MTUS1: variants seen among roughly 807,000 people sequenced by gnomAD.
MTUS1 encodes the protein microtubule associated scaffold protein 1, also known as microtubule-associated tumor suppressor 1.
In MTUS1, 109 loss-of-function variants were observed where a neutral mutation model predicts 120.8. That is an observed-to-expected ratio of 0.90 (90% CI 0.77 to 1.06). MTUS1 has a LOEUF of 1.06. Ranked by LOEUF, MTUS1 falls within the 50% of genes least tolerant of loss-of-function variation. The pLI, the probability that MTUS1 is intolerant of heterozygous loss-of-function variation, is 0.00. For synonymous variants in MTUS1, 737 were observed against 550.5 expected, an observed-to-expected ratio of 1.34 and a Z score of -4.74; for missense variants, 2,210 against 1,486.3, an observed-to-expected ratio of 1.49 and a Z score of -8.01.
chr8:17,761,962 G>A (rs998335755), intron 1 of MTUS1, among the ~76,000 whole-genome samples: 21 of 152,176 alleles, frequency 1.4e-4, no homozygotes, highest in African/African-American at 4.6e-4. Context: ...CAACATCTAA[G>A]CTATCATTTT....
intron 6 of MTUS1, among the ~76,000 whole-genome samples, chr8:17,702,795 C>G (rs951105928): frequency 1.3e-5 from 2 of 152,202 alleles, no homozygotes; most frequent in Non-Finnish European, 2.9e-5. Context: ...TTCCCACATC[C>G]TGGCTATCAT....
chr8:17,756,083 A>G (rs539254603), intron 1 of MTUS1, 122 bp from the exon 2 acceptor site: 120 of 409,070 alleles, frequency 2.9e-4, no homozygotes, highest in Non-Finnish European at 4.5e-4. Context: ...CCCCACAACT[A>G]CTGATGTGGG....
At chr8:17,773,226 T>C (rs562797918) in intron 1 of MTUS1, among the ~76,000 whole-genome samples, 132 of 152,306 alleles carry the variant, frequency 8.7e-4, no homozygotes, top group Non-Finnish European at 1.6e-3. Context: ...TGCAAATCAA[T>C]GTCTCTGAAC....
At chr8:17,696,839 T>C (rs1345078271) in intron 6 of MTUS1, among the ~76,000 whole-genome samples, 2 of 152,230 alleles carry the variant, frequency 1.3e-5, no homozygotes, top group African/African-American at 4.8e-5. Context: ...CTGTCAAATC[T>C]GACTGAGAAA....
At chr8:17,726,091 C>T (rs891100070) in intron 3 of MTUS1, among the ~76,000 whole-genome samples, 5 of 152,264 alleles carry the variant, frequency 3.3e-5, no homozygotes, top group South Asian at 2.1e-4. Context: ...TCCGACTGAA[C>T]GGCCTCCTTT....
chr8:17,657,127 ATTTGTTATT>A (rs1165681756), intron 8 of MTUS1, among the ~76,000 whole-genome samples: 2 of 151,688 alleles, frequency 1.3e-5, no homozygotes, highest in Non-Finnish European at 2.9e-5. Flanking sequence ...GTTGATTATA[ATTTGTTATT>A]TCAAAACTAA....
At chr8:17,737,764 G>A (rs535628619) in intron 3 of MTUS1, among the ~76,000 whole-genome samples, 2 of 152,294 alleles carry the variant, frequency 1.3e-5, no homozygotes, top group Non-Finnish European at 2.9e-5. Flanking sequence ...TGGGATCACA[G>A]ATGTGAGCCA....
chr8:17,789,971 C>G (rs760624868), intron 1 of MTUS1, among the ~76,000 whole-genome samples: 2 of 152,152 alleles, frequency 1.3e-5, no homozygotes. Context: ...CAGTTTCCAT[C>G]TGGGATTACC....
At chr8:17,769,026 T>C (rs1025438225) in intron 1 of MTUS1, among the ~76,000 whole-genome samples, 11 of 152,082 alleles carry the variant, frequency 7.2e-5, no homozygotes, top group East Asian at 1.9e-4. Flanking sequence ...TTGTCTTAGA[T>C]AACTCACACT....
At chr8:17,724,685 T>C (rs933419117) in intron 3 of MTUS1, among the ~76,000 whole-genome samples, 4 of 152,220 alleles carry the variant, frequency 2.6e-5, no homozygotes, top group African/African-American at 4.8e-5. Flanking sequence ...ACCTGCTACC[T>C]AAATATGGGC....
chr8:17,686,509 G>C (rs1174736116), intron 6 of MTUS1, among the ~76,000 whole-genome samples: 4 of 152,072 alleles, frequency 2.6e-5, no homozygotes, highest in African/African-American at 4.8e-5. Context: ...GATATCATTT[G>C]TATATGTCCT....
At chr8:17,759,289 G>A (rs1446153512) in intron 1 of MTUS1, among the ~76,000 whole-genome samples, 1 of 149,190 alleles carries the variant, frequency 6.7e-6, no homozygotes, top group African/African-American at 2.5e-5. Context: ...TTTGAGACAA[G>A]GTCTCACTTT....
intron 8 of MTUS1, among the ~76,000 whole-genome samples, chr8:17,661,547 A>C (rs1277626447): frequency 6.6e-6 from 1 of 152,140 alleles, no homozygotes; most frequent in Non-Finnish European, 1.5e-5. Flanking sequence ...TGTCGCTTTG[A>C]ATATGTAATT....
At chr8:17,776,859 A>C (rs2050481712) in intron 1 of MTUS1, among the ~76,000 whole-genome samples, 3 of 152,086 alleles carry the variant, frequency 2.0e-5, no homozygotes, top group Non-Finnish European at 2.9e-5. Context: ...AAATTTAAGG[A>C]AATATATGCG....
At chr8:17,769,599 G>C (rs983336320) in intron 1 of MTUS1, among the ~76,000 whole-genome samples, 1 of 151,766 alleles carries the variant, frequency 6.6e-6, no homozygotes, top group Non-Finnish European at 1.5e-5. Flanking sequence ...CACCCGCCTC[G>C]GCCTCCCAAA....
At chr8:17,768,268 A>G (rs2049720698) in intron 1 of MTUS1, among the ~76,000 whole-genome samples, 1 of 152,202 alleles carries the variant, frequency 6.6e-6, no homozygotes, top group East Asian at 1.9e-4. Flanking sequence ...ATAAACTAAT[A>G]TGTGAGCTCA....
intron 12 of MTUS1, among the ~76,000 whole-genome samples, chr8:17,650,906 G>C (rs973899411): frequency 1.3e-5 from 2 of 152,180 alleles, no homozygotes; most frequent in Admixed American, 6.5e-5. Context: ...CAACGTCTTA[G>C]GTAAGAGTCG....
chr8:17,676,236 A>C, intron 7 of MTUS1: 1 of 702,978 alleles, frequency 1.4e-6, no homozygotes, highest in African/African-American at 1.7e-5. Context: ...AGTAGTCCTG[A>C]CATTCTTCCA....
chr8:17,685,871 TTAG>T (rs762347637), intron 6 of MTUS1, among the ~76,000 whole-genome samples: 131 of 152,364 alleles, frequency 8.6e-4, no homozygotes, highest in African/African-American at 1.6e-3. Flanking sequence ...TTAGCAATTA[TTAG>T]TAGTAGCTTA....
Sources: gnomAD v4.1 joint callset for allele counts (sites outside exome capture counted in the v4.1 genomes callset) on GRCh38, gnomAD v4.1.1 for gene constraint, MANE v1.5 for transcripts, NCBI Gene and HGNC (gene_info 2026-07-23, HGNC 2026-07-21) for gene names.